The following ABCA5 variants were observed in gnomAD, a reference collection of about 807,000 sequenced individuals.
The protein encoded by ABCA5 is cholesterol transporter ABCA5.
In ABCA5, 163 loss-of-function variants were observed where a neutral mutation model predicts 206.0. That is an observed-to-expected ratio of 0.79 (90% CI 0.70 to 0.90). The LOEUF (loss-of-function observed/expected upper bound fraction) is 0.90. Among genes scored for constraint, ABCA5 ranks in the 40% least tolerant of loss-of-function variants. The pLI is 0.00. For synonymous variants in ABCA5, 609 were observed against 613.8 expected (o/e 0.99, Z 0.11); for missense variants, 1,859 against 1,912.9 (o/e 0.97, Z 0.53).
chr17:69,277,248 C>T lies in ABCA5; in HGVS notation c.2594+393G>A, dbSNP rs138220304. 1.2e-3 allele frequency among the ~76,000 whole-genome samples: 176 copies of T among 151,890 alleles called. 3 individuals are homozygous for T. In the East Asian group the frequency reaches 0.03, roughly 26 times the overall value. On this transcript the variant is annotated intron_variant, in intron 19 of 38. Coordinates refer to ENST00000392676, the MANE Select transcript of ABCA5 (RefSeq NM_172232.4). ...GTGGTTATAAAAACTAACTAATAGA[C>T]GCAAAAAATAGCGAAAAAATAGAAA...
chr17:69,296,630 A>G (rs889626787), intron 10 of ABCA5, among the ~76,000 whole-genome samples: 4 of 152,230 alleles, frequency 2.6e-5, no homozygotes, highest in African/African-American at 9.7e-5. Flanking sequence ...TAATTGTATA[A>G]ACATCAGGTT....
At position 69,254,287 on chromosome 17, in the gene ABCA5, A is replaced by C. The variant is rs746954578; in HGVS notation, c.4244+28T>G. On this transcript the variant is annotated intron_variant, in intron 32 of 38. Transcript: ENST00000392676. ...AATGCAAACCTTTCCTCTAAGTAACAAAAGGAATCTAAAGACAATTATTTT... is the reference window on the plus strand; with the variant it reads ...AATGCAAACCTTTCCTCTAAGTAACCAAAGGAATCTAAAGACAATTATTTT... The C allele has an allele frequency of 3.2e-6, 5 of 1,559,098 alleles. No homozygotes were observed. The Admixed American group carries it at 9.4e-5, about 29-fold the overall frequency.
In ABCA5 at chr17:69,261,722, T is replaced by C. The variant is rs543355773; in HGVS notation, c.3342A>G (p.Pro1114=). ...CAATATAAGTGAACAGAATAACTGATGGAACATAACCAATAAGGCAAAAAA... is the reference window on the plus strand; with the variant it reads ...CAATATAAGTGAACAGAATAACTGACGGAACATAACCAATAAGGCAAAAAA... ...AVVFCLIGYV[P]SVILFTYIAS... Residue 1114 remains proline, a synonymous_variant, in exon 25 of 39, where the codon CCA becomes CCG. Coordinates refer to ENST00000392676, the MANE Select transcript of ABCA5 (RefSeq NM_172232.4). The C allele has an allele frequency of 1.1e-5, 16 of 1,493,466 alleles. No homozygotes were observed. The highest frequency in any genetic ancestry group is 1.3e-5 in the Non-Finnish European group (15 of 1,117,778). 92.5% of individuals were successfully genotyped at this position (1,493,466 alleles called of 1,614,324 possible). A position where few individuals can be genotyped will look rare whatever the true frequency, so the allele number is the denominator to read the frequency against.
chr17:69,298,406 C>T (rs1277461164), intron 9 of ABCA5, among the ~76,000 whole-genome samples: 2 of 150,274 alleles, frequency 1.3e-5, no homozygotes, highest in African/African-American at 4.9e-5. Flanking sequence ...TCCATTTTCT[C>T]CCTTTTCCCT....
At chr17:69,269,151 G>GT (rs1325515750) in intron 22 of ABCA5, among the ~76,000 whole-genome samples, 1 of 152,128 alleles carries the variant, frequency 6.6e-6, no homozygotes, top group Admixed American at 6.6e-5. Flanking sequence ...GTTGAAAATT[G>GT]TAAGTTGTAA....
intron 11 of ABCA5, among the ~76,000 whole-genome samples, chr17:69,292,100 C>A (rs566770307): frequency 2.6e-5 from 4 of 152,064 alleles, no homozygotes; most frequent in Admixed American, 2.0e-4. Flanking sequence ...CAGAGCAAGA[C>A]CCTGTCTCAA....
At chr17:69,307,707 G>T (rs1039521950) in intron 5 of ABCA5, among the ~76,000 whole-genome samples, 1 of 151,930 alleles carries the variant, frequency 6.6e-6, no homozygotes, top group African/African-American at 2.4e-5. Flanking sequence ...TGGTTCTTAC[G>T]ACAATGCTGT....
Position 69,309,384 on chromosome 17 carries a change from A to G in ABCA5, c.347T>C (p.Leu116Ser). ...TEEYTNEKEM[L>S]TSSLSKPSNF... The stretch of plus-strand genomic sequence containing the variant: ...GCTCGGCTTAGAGAGACTGGATGTT[A>G]ACATTTCTTTTTCATTTGTATATTC... Residue 116 changes from leucine to serine, a missense_variant, in exon 4 of 39, where the codon TTA (leucine) becomes TCA (serine). Leu to Ser is a moderately radical substitution (Grantham distance 145). Transcript: ENST00000392676. 1 of 1,595,584 alleles carries G rather than the reference A, an allele frequency of 6.3e-7. No individual in the cohort carries two copies. Among genetic ancestry groups the G allele is most frequent in the Non-Finnish European group, 8.5e-7 (1 of 1,173,818 alleles).
chr17:69,316,604 A>G (rs2075818913), intron 1 of ABCA5, among the ~76,000 whole-genome samples: 2 of 151,866 alleles, frequency 1.3e-5, no homozygotes, highest in Non-Finnish European at 2.9e-5. Context: ...AAAAAAAAAA[A>G]AAAAAATTAA....
At position 69,264,913 on chromosome 17, in the gene ABCA5, A is replaced by C; in HGVS notation, c.3145-8T>G. 2 of 1,471,052 alleles carry C rather than the reference A, an allele frequency of 1.4e-6. No homozygotes were observed. Among genetic ancestry groups the C allele is most frequent in the Non-Finnish European group, 1.8e-6 (2 of 1,110,432 alleles). The allele number at this position is 1,471,052 out of a possible 1,614,324, so 91.1% of individuals were successfully genotyped here. A position where few individuals can be genotyped will look rare whatever the true frequency, so the allele number is the denominator to read the frequency against. On this transcript the variant is annotated splice_region_variant and splice_polypyrimidine_tract_variant and intron_variant, in intron 23 of 38. Transcript: ENST00000392676. ...TTGAGTATAAGCTTTGATCTAAAAA[A>C]AATGAAAAACAATTTATTATAATTT...
At position 69,314,411 on chromosome 17, in the gene ABCA5, G is replaced by C; in HGVS notation, c.5C>G (p.Ser2Cys). 1 of 1,606,764 alleles carries C rather than the reference G, an allele frequency of 6.2e-7. No individual in the cohort carries two copies. The highest frequency in any genetic ancestry group is 8.5e-7 in the Non-Finnish European group (1 of 1,174,358). Residue 2 changes from serine (S) to cysteine (C), a missense_variant, in exon 2 of 39, where the codon TCC becomes TGC. By Grantham distance (112) the Ser-to-Cys change is moderately radical. Transcript: ENST00000392676. ...AACTCCTACCTCCCTAATTGCAGTG[G>C]ACATGTTTTCTGAATAAACCTATTA... MSTAIREVGVWR... is the reference protein window; with the variant it reads MCTAIREVGVWR...
chr17:69,316,362 G>A (rs1454471505), intron 1 of ABCA5, among the ~76,000 whole-genome samples: 2 of 151,748 alleles, frequency 1.3e-5, no homozygotes, highest in Non-Finnish European at 2.9e-5. Flanking sequence ...GTGTGGTGGT[G>A]GGCGCCTGTA....
In ABCA5 at chr17:69,266,590, A is replaced by T. The variant is rs182648793; in HGVS notation, c.3144+1353T>A. Among the ~76,000 whole-genome samples, 1,013 of 147,052 alleles carry T rather than the reference A, an allele frequency of 6.9e-3. 14 individuals are homozygous for T. Among genetic ancestry groups the T allele is most frequent in the African/African-American group, 0.023 (917 of 40,604 alleles). Reference sequence around the variant, plus strand: ...AATAAAAATATATATATATATAAATAAAAAAATTAAAAAATAAATAAATAA... The same window carrying T: ...AATAAAAATATATATATATATAAATTAAAAAATTAAAAAATAAATAAATAA... On this transcript the variant is annotated intron_variant, in intron 23 of 38. Transcript: ENST00000392676.
chr17:69,318,790 A>C (rs1210046478), intron 1 of ABCA5: 2 of 698,234 alleles, frequency 2.9e-6, no homozygotes, highest in Non-Finnish European at 5.3e-6. Flanking sequence ...GTTATCATTG[A>C]AAATTAAATG....
intron 23 of ABCA5, 39 bp downstream of exon 23, chr17:69,267,901 ACTT>A (rs758833524): frequency 1.6e-5 from 19 of 1,158,398 alleles, no homozygotes; most frequent in African/African-American, 1.2e-4. Flanking sequence ...TTTATATGAC[ACTT>A]CTTATTAGCA....
intron 19 of ABCA5, among the ~76,000 whole-genome samples, chr17:69,277,032 T>C (rs1391377453): frequency 6.6e-6 from 1 of 152,186 alleles, no homozygotes; most frequent in Non-Finnish European, 1.5e-5. Context: ...GTGTGGTATA[T>C]GAAAGTGGTT....
At position 69,285,935 on chromosome 17, in the gene ABCA5, C is replaced by T. The variant is rs143577134; in HGVS notation, c.2235G>A (p.Val745=). The change falls in exon 17 of 39, where the codon GTG becomes GTA. Residue 745 remains valine (V), a synonymous_variant. Coordinates refer to ENST00000392676, the MANE Select transcript of ABCA5 (RefSeq NM_172232.4). ...CCATGTCCTTGAAAGGCAAGCTATA[C>T]ACAAGTTGTTGGTCATTCTGTTGTA... ...TLLQQNDQQL[V]YSLPFKDMDK... is the part of the protein sequence containing the mutation. 171 of 1,613,074 alleles carry T rather than the reference C, an allele frequency of 1.1e-4. No individual in the cohort carries two copies. Among genetic ancestry groups the T allele is most frequent in the Admixed American group, 9.5e-4 (57 of 59,942 alleles).
At chr17:69,258,273 G>T (rs1234499127) in intron 28 of ABCA5, among the ~76,000 whole-genome samples, 1 of 151,912 alleles carries the variant, frequency 6.6e-6, no homozygotes, top group Admixed American at 6.6e-5. Flanking sequence ...ACCAACCTAA[G>T]AGTCCATCAA....
intron 8 of ABCA5, among the ~76,000 whole-genome samples, chr17:69,302,017 G>A (rs1015056968): frequency 4.6e-5 from 7 of 151,996 alleles, no homozygotes; most frequent in Admixed American, 4.6e-4. Flanking sequence ...TCATTCTCAG[G>A]TCTCAAAAAA....
Sources: allele counts gnomAD v4.1 joint callset (sites outside exome capture counted in the v4.1 genomes callset), GRCh38; gene constraint gnomAD v4.1.1; transcripts MANE v1.5; gene names NCBI Gene and HGNC (gene_info 2026-07-23, HGNC 2026-07-21).